Variants in PHTF2 observed in about 807,000 individuals in gnomAD.
PHTF2 encodes the protein protein PHTF2.
A neutral mutation model predicts 101.2 loss-of-function variants in PHTF2; 60 were observed. The ratio of observed to expected loss-of-function variants is 0.59; its 90% CI spans 0.48 to 0.73. The LOEUF (loss-of-function observed/expected upper bound fraction) is 0.73, where lower values mean the gene tolerates loss of function less well. Ranked by LOEUF, PHTF2 falls within the 30% of genes least tolerant of loss-of-function variation. The pLI, the probability that PHTF2 is intolerant of heterozygous loss-of-function variation, is 0.00. For synonymous variants in PHTF2, 311 were observed against 307.3 expected (o/e 1.01, Z -0.13); for missense variants, 747 against 908.7 (o/e 0.82, Z 2.29).
intron 3 of PHTF2, among the ~76,000 whole-genome samples, chr7:77,892,961 A>G (rs988549408): frequency 6.6e-6 from 1 of 152,222 alleles, no homozygotes; most frequent in African/African-American, 2.4e-5. Flanking sequence ...TTTAAAAATA[A>G]TGCCATAAAG....
At chr7:77,889,730 A>G (rs1340287878) in intron 3 of PHTF2, among the ~76,000 whole-genome samples, 2 of 151,782 alleles carry the variant, frequency 1.3e-5, no homozygotes, top group Non-Finnish European at 2.9e-5. Context: ...AGTGGGGACT[A>G]CAGGTCTGCA....
At chr7:77,908,796 C>T (rs1451166091) in exon 8 of PHTF2, 3 of 1,567,406 alleles carry the variant, frequency 1.9e-6, no homozygotes, top group Non-Finnish European at 2.6e-6. Context: ...TTTATAGTTG[C>T]TGCAATAGTA....
chr7:77,920,767 A>G (rs962238753), intron 10 of PHTF2, among the ~76,000 whole-genome samples: 1 of 152,104 alleles, frequency 6.6e-6, no homozygotes, highest in Admixed American at 6.6e-5. Context: ...CAGCATCCTC[A>G]GCCTCCCAGG....
intron 16 of PHTF2, among the ~76,000 whole-genome samples, chr7:77,943,844 C>A (rs1416118725): frequency 6.6e-6 from 1 of 151,838 alleles, no homozygotes; most frequent in Non-Finnish European, 1.5e-5. Flanking sequence ...ATGGTAAAAC[C>A]TCGTCTCTAT....
At chr7:77,814,434 T>C (rs913452594) in intron 1 of PHTF2, among the ~76,000 whole-genome samples, 2 of 152,098 alleles carry the variant, frequency 1.3e-5, no homozygotes, top group Non-Finnish European at 2.9e-5. Flanking sequence ...CCTAACACAG[T>C]ATTTTCTCTG....
At chr7:77,930,693 T>C (rs1804486430) in intron 12 of PHTF2, among the ~76,000 whole-genome samples, 1 of 152,152 alleles carries the variant, frequency 6.6e-6, no homozygotes, top group Non-Finnish European at 1.5e-5. Context: ...AAGTCCAAGA[T>C]CAGGGTGCCA....
At chr7:77,904,405 T>A (rs533512098) in intron 7 of PHTF2, among the ~76,000 whole-genome samples, 2 of 152,386 alleles carry the variant, frequency 1.3e-5, no homozygotes, top group Admixed American at 1.3e-4. Flanking sequence ...CATATCTTTC[T>A]TATGTATATT....
At chr7:77,886,910 TG>T (rs961174905) in intron 3 of PHTF2, among the ~76,000 whole-genome samples, 2 of 151,196 alleles carry the variant, frequency 1.3e-5, no homozygotes, top group Non-Finnish European at 3.0e-5. Flanking sequence ...CTGAGCAAGG[TG>T]GGGGTGCACC....
intron 1 of PHTF2, among the ~76,000 whole-genome samples, chr7:77,831,434 G>C (rs899942155): frequency 5.3e-5 from 8 of 152,198 alleles, no homozygotes; most frequent in African/African-American, 1.7e-4. Flanking sequence ...AGTTCAGAAG[G>C]TGGCACATGT....
intron 13 of PHTF2, among the ~76,000 whole-genome samples, chr7:77,939,357 A>G (rs984254864): frequency 6.6e-6 from 1 of 152,112 alleles, no homozygotes; most frequent in Non-Finnish European, 1.5e-5. Context: ...TGTAATCTCA[A>G]CACTTTGGGA....
chr7:77,874,436 A>G (rs1280941117), intron 3 of PHTF2, among the ~76,000 whole-genome samples: 1 of 152,176 alleles, frequency 6.6e-6, no homozygotes, highest in Non-Finnish European at 1.5e-5. Flanking sequence ...GTATTAACTC[A>G]TGATTACAAG....
intron 1 of PHTF2, among the ~76,000 whole-genome samples, chr7:77,802,059 T>G (rs1371467079): frequency 2.6e-5 from 4 of 152,204 alleles, no homozygotes; most frequent in Non-Finnish European, 5.9e-5. Context: ...TCAGGGGAGC[T>G]ACCACTGAAG....
At chr7:77,908,744 G>T in intron 7 of PHTF2, 49 bp from the exon 7 acceptor site, 1 of 1,206,880 alleles carries the variant, frequency 8.3e-7, no homozygotes, top group South Asian at 1.7e-5. Context: ...GTTTTGAAGA[G>T]GTGACTATCA....
intron 1 of PHTF2, 23 bp from the exon 2 acceptor site, chr7:77,840,198 G>A: frequency 8.1e-7 from 1 of 1,232,350 alleles, no homozygotes; most frequent in East Asian, 2.3e-5. Flanking sequence ...AAAGTCATTT[G>A]TATGTTTTTC....
rs183182507 is a variant in PHTF2 at position 77,916,288 on chromosome 7, C to T, written c.777-3991C>T. On this transcript the variant is annotated intron_variant, in intron 9 of 19. Coordinates refer to ENST00000416283, the Ensembl canonical transcript of PHTF2. ...CACTGCCTTTACTGTATTTTTATTC[C>T]CTAAAACAAGGCAACAGGAGGAATT... Among the ~76,000 whole-genome samples the T allele has an allele frequency of 1.2e-3, 183 of 151,984 alleles. 1 individual carries two copies. The highest frequency in any genetic ancestry group is 4.3e-3 in the African/African-American group (178 of 41,438).
chr7:77,847,065 T>C (rs896031325), intron 2 of PHTF2, among the ~76,000 whole-genome samples: 12 of 152,230 alleles, frequency 7.9e-5, no homozygotes, highest in Non-Finnish European at 1.8e-4. Flanking sequence ...TAATCAGTTC[T>C]GAAAGTGACC....
At chr7:77,806,786 A>ACTTGCCTATAGCTCTTTTTT (rs1793016289) in intron 1 of PHTF2, among the ~76,000 whole-genome samples, 1 of 151,604 alleles carries the variant, frequency 6.6e-6, no homozygotes, top group Admixed American at 6.6e-5. Flanking sequence ...ACCTTTTTTG[A>ACTTGCCTATAGCTCTTTTTT]CTTGCCTATA....
At chr7:77,822,706 A>G (rs1035123919) in intron 1 of PHTF2, among the ~76,000 whole-genome samples, 4 of 152,060 alleles carry the variant, frequency 2.6e-5, no homozygotes, top group African/African-American at 9.7e-5. Context: ...GTGGCCAGGT[A>G]CTTCCATGCT....
At chr7:77,826,762 A>C (rs1201267315) in intron 1 of PHTF2, among the ~76,000 whole-genome samples, 1 of 152,222 alleles carries the variant, frequency 6.6e-6, no homozygotes, top group African/African-American at 2.4e-5. Flanking sequence ...ATGGGTGTCA[A>C]TTAGCAGTCT....
Sources: allele counts gnomAD v4.1 joint callset (sites outside exome capture counted in the v4.1 genomes callset), GRCh38; gene constraint gnomAD v4.1.1; transcripts MANE v1.5; gene names NCBI Gene and HGNC (gene_info 2026-07-23, HGNC 2026-07-21).